Variants in ATF7 observed in about 807,000 individuals in gnomAD.
ATF7 encodes cyclic AMP-dependent transcription factor ATF-7.
A neutral mutation model predicts 50.4 loss-of-function variants in ATF7; 10 were observed. That is an observed-to-expected ratio of 0.20 (90% CI 0.12 to 0.34). The LOEUF is 0.34. Ranked by LOEUF, ATF7 falls within the 10% of genes least tolerant of loss-of-function variation. The pLI, the probability that ATF7 is intolerant of heterozygous loss-of-function variation, is 1.00. For missense variants in ATF7, 465 were observed against 613.9 expected (o/e 0.76, Z 2.56); for synonymous variants, 201 against 226.4 (o/e 0.89, Z 1.01).
At chr12:53,530,107 A>G (rs1938777010) in intron 9 of ATF7, among the ~76,000 whole-genome samples, 1 of 152,220 alleles carries the variant, frequency 6.6e-6, no homozygotes, top group Non-Finnish European at 1.5e-5. Context: ...CATTTCCCCA[A>G]GAGAGAAGGC....
intron 1 of ATF7, among the ~76,000 whole-genome samples, chr12:53,612,405 C>CT (rs1480234339): frequency 1.3e-5 from 2 of 152,110 alleles, no homozygotes; most frequent in East Asian, 1.9e-4. Flanking sequence ...TCCTGAGTAG[C>CT]TGGGACTACA....
intron 2 of ATF7, among the ~76,000 whole-genome samples, chr12:53,580,642 T>G (rs1419408299): frequency 8.6e-6 from 1 of 115,846 alleles, no homozygotes; most frequent in African/African-American, 3.5e-5. Context: ...CTAGCCTGGG[T>G]GACAGAGCGA....
At position 53,606,575 on chromosome 12, in the gene ATF7, T is replaced by C. The variant is rs1012711717; in HGVS notation, c.-21-5554A>G. 1.7e-4 allele frequency among the ~76,000 whole-genome samples: 26 copies of C among 151,926 alleles called. 1 individual carries two copies. Among genetic ancestry groups the C allele is most frequent in the African/African-American group, 6.0e-4 (25 of 41,342 alleles). ...GCACGTTTTTTTTTAAATTTTAATATTATTATACTTTAAGTTTTAGGGTAC... is the reference window on the plus strand; with the variant it reads ...GCACGTTTTTTTTTAAATTTTAATACTATTATACTTTAAGTTTTAGGGTAC... On this transcript the variant is annotated intron_variant, in intron 1 of 11. Coordinates refer to ENST00000420353, the MANE Select transcript of ATF7 (RefSeq NM_006856.3).
At chr12:53,595,362 T>C (rs1383683634) in intron 2 of ATF7, among the ~76,000 whole-genome samples, 1 of 152,224 alleles carries the variant, frequency 6.6e-6, no homozygotes, top group African/African-American at 2.4e-5. Context: ...CACCAACTCA[T>C]TCTTTCCTGC....
chr12:53,622,119 G>A (rs1465625652), intron 1 of ATF7, among the ~76,000 whole-genome samples: 1 of 151,840 alleles, frequency 6.6e-6, no homozygotes, highest in Non-Finnish European at 1.5e-5. Context: ...TGGCCAAAAT[G>A]GTGAAACCCC....
Position 53,523,366 on chromosome 12 carries a change from G to A in ATF7, c.1144C>T (p.Arg382Cys), listed in dbSNP as rs748406956. ...IQLSNEVTLLRNEVAQLKQLL... is the reference protein window; with the variant it reads ...IQLSNEVTLLCNEVAQLKQLL... ...TGTTTCAACTGGGCCACCTCATTGC[G>A]TAGTAATGTGACTTCATTCTGAGGA... Residue 382 changes from arginine to cysteine, a missense_variant, in exon 11 of 12, where the codon CGC (arginine) becomes TGC (cysteine). Arg to Cys is a radical substitution (Grantham distance 180, BLOSUM62 -3). Transcript: ENST00000420353. 17 of 1,611,780 alleles carry A rather than the reference G, an allele frequency of 1.1e-5. No homozygotes were observed. Among genetic ancestry groups the A allele is most frequent in the African/African-American group, 2.7e-5 (2 of 74,880 alleles).
chr12:53,554,870 G>GACAAAAAAAA (rs1940616970), intron 2 of ATF7, among the ~76,000 whole-genome samples: 1 of 76,046 alleles, frequency 1.3e-5, no homozygotes, highest in Non-Finnish European at 2.5e-5. Flanking sequence ...CTCAAAAAAA[G>GACAAAAAAAA]AAAAAAAAAA....
At chr12:53,521,320 C>T (rs1938114251) in intron 11 of ATF7, among the ~76,000 whole-genome samples, 1 of 152,122 alleles carries the variant, frequency 6.6e-6, no homozygotes, top group African/African-American at 2.4e-5. Flanking sequence ...TGCTGAAAAC[C>T]CTCTAATGGC....
chr12:53,514,004 T>G lies in ATF7; in HGVS notation c.*3133A>C, dbSNP rs1944212753. 1 of 151,652 alleles carries G rather than the reference T, an allele frequency of 6.6e-6. No homozygotes were observed. Among genetic ancestry groups the G allele is most frequent in the Non-Finnish European group, 1.5e-5 (1 of 67,934 alleles). 9.4% of individuals were successfully genotyped at this position (151,652 alleles called of 1,614,324 possible). A position where few individuals can be genotyped will look rare whatever the true frequency, so the allele number is the denominator to read the frequency against. ...TAATGCTTAGGGCCAAGGAGGGAGG[T>G]GAAGGCTAAGGAAGTCAGATTTGAG... On this transcript the variant is annotated 3_prime_UTR_variant, in exon 12 of 12. Transcript: ENST00000420353.
intron 11 of ATF7, among the ~76,000 whole-genome samples, chr12:53,519,981 C>T (rs1298910722): frequency 2.6e-5 from 4 of 152,194 alleles, no homozygotes; most frequent in Non-Finnish European, 2.9e-5. Flanking sequence ...CTCCTGACCT[C>T]GTGATCCGCC....
chr12:53,517,382 G>C (rs772815932), intron 11 of ATF7, 28 bp from the exon 12 acceptor site: 15 of 1,593,070 alleles, frequency 9.4e-6, no homozygotes, highest in South Asian at 8.9e-5. Context: ...AAAGAGCAGA[G>C]AGCAATTGGT....
At chr12:53,553,434 T>C (rs1202320946) in intron 2 of ATF7, among the ~76,000 whole-genome samples, 1 of 152,110 alleles carries the variant, frequency 6.6e-6, no homozygotes, top group African/African-American at 2.4e-5. Flanking sequence ...GAAAGGGAGA[T>C]GGTATAGAGA....
At chr12:53,604,503 G>A (rs1943526298) in intron 1 of ATF7, among the ~76,000 whole-genome samples, 1 of 152,134 alleles carries the variant, frequency 6.6e-6, no homozygotes, top group South Asian at 2.1e-4. Flanking sequence ...GTCTGTCACT[G>A]AGGACTACAA....
intron 3 of ATF7, 96 bp downstream of exon 3, chr12:53,552,445 G>C: frequency 1.0e-6 from 1 of 955,342 alleles, no homozygotes; most frequent in African/African-American, 1.6e-5. Context: ...CTCTTAATGG[G>C]AGAAAGGGAG....
intron 1 of ATF7, among the ~76,000 whole-genome samples, chr12:53,622,301 CAAA>C (rs1433763271): frequency 1.2e-3 from 40 of 34,226 alleles, no homozygotes; most frequent in African/African-American, 2.1e-3. Flanking sequence ...GACTCCATCT[CAAA>C]AATAATAATA....
chr12:53,551,653 G>A (rs565061790), intron 3 of ATF7, among the ~76,000 whole-genome samples: 1 of 152,212 alleles, frequency 6.6e-6, no homozygotes, highest in Admixed American at 6.5e-5. Context: ...ATCATGTATG[G>A]AAGTATGATG....
At chr12:53,528,690 G>T (rs1273331134) in intron 9 of ATF7, among the ~76,000 whole-genome samples, 5 of 152,162 alleles carry the variant, frequency 3.3e-5, no homozygotes, top group Admixed American at 3.3e-4. Flanking sequence ...TTGAACCAGG[G>T]AGGCGGAGGT....
intron 2 of ATF7, among the ~76,000 whole-genome samples, chr12:53,557,224 C>T (rs1157440396): frequency 6.6e-6 from 1 of 152,104 alleles, no homozygotes; most frequent in Non-Finnish European, 1.5e-5. Context: ...TTGTTTGAGA[C>T]AGGGTCTTGC....
At chr12:53,592,649 GT>G in intron 2 of ATF7, among the ~76,000 whole-genome samples, 1 of 152,054 alleles carries the variant, frequency 6.6e-6, no homozygotes, top group African/African-American at 2.4e-5. Context: ...AACATGTGTT[GT>G]TATCTTATGA....
Sources: allele counts gnomAD v4.1 joint callset (sites outside exome capture counted in the v4.1 genomes callset), GRCh38; gene constraint gnomAD v4.1.1; transcripts MANE v1.5; gene names NCBI Gene and HGNC (gene_info 2026-07-23, HGNC 2026-07-21).